The following TMEM232 variants were observed in gnomAD, a reference collection of about 807,000 sequenced individuals.
TMEM232 encodes transmembrane protein 232.
TMEM232 carries 80 observed loss-of-function variants against 78.8 expected under a neutral mutation model. The ratio of observed to expected loss-of-function variants is 1.01; its 90% CI spans 0.85 to 1.22. The LOEUF is 1.22. Ranked by LOEUF, TMEM232 falls within the 50% of genes most tolerant of loss-of-function variation. The pLI is 0.00. For synonymous variants in TMEM232, 297 were observed against 254.3 expected, an observed-to-expected ratio of 1.17 and a Z score of -1.60; for missense variants, 881 against 742.2, an observed-to-expected ratio of 1.19 and a Z score of -2.17.
At position 110,599,980 on chromosome 5, in the gene TMEM232, A is replaced by T. The variant is rs902261321; in HGVS notation, c.1276+5129T>A. Among the ~76,000 whole-genome samples, 5 of 152,332 alleles carry T rather than the reference A, an allele frequency of 3.3e-5. No individual in the cohort carries two copies. In the East Asian group the frequency reaches 9.6e-4, roughly 29 times the overall value. ...TAACAGTCTCTCAGACCACAGTGCA[A>T]TCAAACTAGAACTCAGGATTAAGAA... On this transcript the variant is annotated intron_variant, in intron 10 of 13. Coordinates refer to ENST00000455884, the MANE Select transcript of TMEM232 (RefSeq NM_001039763.4).
chr5:110,446,977 C>G (rs1396859572), intron 12 of TMEM232, among the ~76,000 whole-genome samples: 1 of 151,646 alleles, frequency 6.6e-6, no homozygotes, highest in Non-Finnish European at 1.5e-5. Context: ...AATTGAGGAC[C>G]CTCGTACTCT....
At chr5:110,604,352 C>T (rs906172965) in intron 10 of TMEM232, among the ~76,000 whole-genome samples, 2 of 151,970 alleles carry the variant, frequency 1.3e-5, no homozygotes, top group Non-Finnish European at 2.9e-5. Context: ...ACCTTTAGTC[C>T]TGAGACATAA....
At chr5:110,618,945 TTA>T (rs1783292754) in intron 7 of TMEM232, among the ~76,000 whole-genome samples, 1 of 152,178 alleles carries the variant, frequency 6.6e-6, no homozygotes, top group African/African-American at 2.4e-5. Context: ...TAACAGCAAA[TTA>T]TGTTTTAAAA....
At chr5:110,443,663 T>G (rs897666016) in intron 12 of TMEM232, among the ~76,000 whole-genome samples, 2 of 152,180 alleles carry the variant, frequency 1.3e-5, no homozygotes, top group African/African-American at 4.8e-5. Context: ...AAGGAGTCTT[T>G]CAGCATAGCC....
At position 110,420,811 on chromosome 5, in the gene TMEM232, A is replaced by T. The variant is rs939222092; in HGVS notation, c.1798-55T>A. 2.0e-6 allele frequency: 3 copies of T among 1,470,154 alleles called. No individual in the cohort carries two copies. The African/African-American group carries it at 4.4e-5, about 22-fold the overall frequency. The allele number at this position is 1,470,154 out of a possible 1,614,324, so 91.1% of individuals were successfully genotyped here. A position where few individuals can be genotyped will look rare whatever the true frequency, so the allele number is the denominator to read the frequency against. On this transcript the variant is annotated intron_variant, in intron 13 of 13. Coordinates refer to ENST00000455884, the MANE Select transcript of TMEM232 (RefSeq NM_001039763.4). The stretch of plus-strand genomic sequence containing the variant: ...GATTTTCCATGAAAAAATGCATATC[A>T]GTTTAGCTGCTCAAAATGCAGATTC...
At chr5:110,575,549 G>A (rs1385538470) in intron 10 of TMEM232, among the ~76,000 whole-genome samples, 2 of 152,068 alleles carry the variant, frequency 1.3e-5, no homozygotes, top group Non-Finnish European at 2.9e-5. Flanking sequence ...CAGCTAAGGT[G>A]TGTGGCTCTT....
intron 2 of TMEM232, among the ~76,000 whole-genome samples, chr5:110,662,379 G>GAGAT (rs1437528781): frequency 6.6e-6 from 1 of 152,004 alleles, no homozygotes; most frequent in African/African-American, 2.4e-5. Flanking sequence ...AATAAATGAA[G>GAGAT]AGATATACCA....
chr5:110,618,674 ATT>A, intron 7 of TMEM232, 112 bp from the exon 8 acceptor site: 1 of 1,102,994 alleles, frequency 9.1e-7, no homozygotes, highest in South Asian at 1.7e-5. Context: ...GAAAATGCAT[ATT>A]CTCTTACACT....
At chr5:110,632,575 A>G (rs1391208840) in intron 5 of TMEM232, among the ~76,000 whole-genome samples, 1 of 152,152 alleles carries the variant, frequency 6.6e-6, no homozygotes, top group African/African-American at 2.4e-5. Context: ...AACCAAACAA[A>G]ATCTGGATTT....
At chr5:110,636,523 T>C (rs542295294) in intron 5 of TMEM232, among the ~76,000 whole-genome samples, 16 of 152,130 alleles carry the variant, frequency 1.1e-4, no homozygotes, top group African/African-American at 3.8e-4. Context: ...ATGTACTTCA[T>C]AAATATTTAA....
intron 12 of TMEM232, among the ~76,000 whole-genome samples, chr5:110,516,234 GT>G (rs1165393992): frequency 6.6e-6 from 1 of 152,022 alleles, no homozygotes; most frequent in African/African-American, 2.4e-5. Flanking sequence ...GGAAGACTCT[GT>G]CCCCCGCAGC....
intron 12 of TMEM232, 79 bp from the exon 13 acceptor site, chr5:110,424,995 A>ATAATT: frequency 1.0e-6 from 1 of 955,784 alleles, no homozygotes. Context: ...TAACTAAGCC[A>ATAATT]TAATTTATTA....
intron 8 of TMEM232, among the ~76,000 whole-genome samples, chr5:110,607,166 A>G (rs1781636533): frequency 6.6e-6 from 1 of 152,050 alleles, no homozygotes; most frequent in African/African-American, 2.4e-5. Context: ...ACAGAGGTCA[A>G]TGTGCTTTCA....
upstream of TMEM232, among the ~76,000 whole-genome samples, chr5:110,727,469 C>T (rs1175634246): frequency 2.0e-5 from 3 of 152,080 alleles, no homozygotes; most frequent in African/African-American, 2.4e-5. Flanking sequence ...GTTAGCCAGG[C>T]GTGGTGGCAC....
intron 5 of TMEM232, among the ~76,000 whole-genome samples, chr5:110,635,937 C>G (rs144540385): frequency 2.6e-3 from 388 of 152,032 alleles, no homozygotes; most frequent in Non-Finnish European, 4.2e-3. Flanking sequence ...TAAAGAAAAT[C>G]AGTGTATTAT....
At chr5:110,669,458 T>A (rs1440575719) in intron 1 of TMEM232, among the ~76,000 whole-genome samples, 1 of 152,066 alleles carries the variant, frequency 6.6e-6, no homozygotes, top group African/African-American at 2.4e-5. Context: ...AATAGACCAA[T>A]AACAGGCTCT....
intron 5 of TMEM232, among the ~76,000 whole-genome samples, chr5:110,631,838 C>T (rs984641953): frequency 3.3e-5 from 5 of 152,144 alleles, no homozygotes; most frequent in Non-Finnish European, 2.9e-5. Flanking sequence ...CTGCCACTAC[C>T]TACACCATGC....
chr5:110,666,352 G>C (rs555831098), intron 2 of TMEM232, among the ~76,000 whole-genome samples: 1 of 151,808 alleles, frequency 6.6e-6, no homozygotes, highest in African/African-American at 2.4e-5. Context: ...CATTTCTATT[G>C]TATTCTACTA....
chr5:110,530,490 G>C (rs963528117), intron 11 of TMEM232, among the ~76,000 whole-genome samples: 1 of 152,170 alleles, frequency 6.6e-6, no homozygotes, highest in Non-Finnish European at 1.5e-5. Flanking sequence ...TCCATCAACA[G>C]ATGAATGGAT....
Sources: gnomAD v4.1 joint callset for allele counts (sites outside exome capture counted in the v4.1 genomes callset) on GRCh38, gnomAD v4.1.1 for gene constraint, MANE v1.5 for transcripts, NCBI Gene and HGNC (gene_info 2026-07-23, HGNC 2026-07-21) for gene names.